CSGALNACT1: variants seen among roughly 807,000 people sequenced by gnomAD.
CSGALNACT1 encodes beta4GalNAcT-1.
A neutral mutation model predicts 51.0 loss-of-function variants in CSGALNACT1; 52 were observed. The observed-to-expected ratio is 1.02, with a 90% confidence interval of 0.82 to 1.29. The LOEUF (loss-of-function observed/expected upper bound fraction) is 1.29, where lower values mean the gene tolerates loss of function less well. Among genes scored for constraint, CSGALNACT1 ranks in the 50% most tolerant of loss-of-function variants. The probability of loss-of-function intolerance (pLI) is 0.00; values close to 1 mark genes in which losing one functional copy is unlikely to be tolerated. For synonymous variants in CSGALNACT1, 341 were observed against 254.4 expected (o/e 1.34, Z -3.24); for missense variants, 935 against 679.2 (o/e 1.38, Z -4.19).
At chr8:19,427,835 C>G (rs1041414776) in intron 6 of CSGALNACT1, among the ~76,000 whole-genome samples, 3 of 152,040 alleles carry the variant, frequency 2.0e-5, no homozygotes, top group Non-Finnish European at 2.9e-5. Context: ...TAACACCATG[C>G]CAAGCCCTCA....
At chr8:19,648,457 A>C (rs551666401) in intron 1 of CSGALNACT1, among the ~76,000 whole-genome samples, 36 of 152,332 alleles carry the variant, frequency 2.4e-4, no homozygotes, top group Non-Finnish European at 4.1e-4. Context: ...TCCTTTACAG[A>C]TACATCTCCA....
intron 1 of CSGALNACT1, among the ~76,000 whole-genome samples, chr8:19,653,649 G>A (rs778547407): frequency 2.0e-5 from 3 of 152,024 alleles, no homozygotes; most frequent in Admixed American, 6.5e-5. Context: ...AAAAAAATTT[G>A]TGGGTGTGGT....
At chr8:19,523,327 C>T (rs1018571209) in intron 3 of CSGALNACT1, among the ~76,000 whole-genome samples, 5 of 152,142 alleles carry the variant, frequency 3.3e-5, no homozygotes, top group African/African-American at 7.2e-5. Flanking sequence ...TGCAAGGGCG[C>T]GATCATGGGT....
At position 19,489,299 on chromosome 8, in the gene CSGALNACT1, C is replaced by G. The variant is rs149753093; in HGVS notation, c.634+15902G>C. ...GAATGAAATAGTCATAGGAAATCAT[C>G]ACTATCCAATGTTTATCAACCACCA... On this transcript the variant is annotated intron_variant, in intron 4 of 9. Transcript: ENST00000454498. Among the ~76,000 whole-genome samples the G allele has an allele frequency of 1.5e-4, 23 of 152,274 alleles. No individual in the cohort carries two copies. In the East Asian group the frequency reaches 4.3e-3, roughly 28 times the overall value.
chr8:19,406,182 CACCACCA>C, intron 9 of CSGALNACT1, 113 bp from the exon 9 acceptor site: 1 of 1,206,580 alleles, frequency 8.3e-7, no homozygotes, highest in Non-Finnish European at 1.2e-6. Flanking sequence ...ATGCGTGCTT[CACCACCA>C]CCCCTCCAAG....
chr8:19,476,584 T>G (rs755046270), intron 4 of CSGALNACT1, among the ~76,000 whole-genome samples: 4 of 152,054 alleles, frequency 2.6e-5, no homozygotes, highest in Non-Finnish European at 5.9e-5. Context: ...GCCCAAATTC[T>G]TTGGCAATGT....
At chr8:19,525,609 T>A (rs1217870391) in intron 3 of CSGALNACT1, among the ~76,000 whole-genome samples, 2 of 76,056 alleles carry the variant, frequency 2.6e-5, no homozygotes, top group East Asian at 7.8e-4. Flanking sequence ...AGAGGGAAAC[T>A]TGTCCCAAAA....
intron 1 of CSGALNACT1, among the ~76,000 whole-genome samples, chr8:19,689,711 T>C (rs895479593): frequency 6.6e-6 from 1 of 152,230 alleles, no homozygotes; most frequent in African/African-American, 2.4e-5. Flanking sequence ...TCACTCATGC[T>C]AAAGTTCCAC....
chr8:19,663,811 G>A (rs1343212915), intron 1 of CSGALNACT1, among the ~76,000 whole-genome samples: 1 of 152,248 alleles, frequency 6.6e-6, no homozygotes, highest in Non-Finnish European at 1.5e-5. Context: ...ATAAGAGCCA[G>A]ATAGATAATG....
chr8:19,653,086 T>G (rs1177516269), intron 1 of CSGALNACT1, among the ~76,000 whole-genome samples: 2 of 152,146 alleles, frequency 1.3e-5, no homozygotes, highest in East Asian at 3.9e-4. Context: ...CTGAACCCAC[T>G]GCCACAGTTC....
rs192869792 is a variant in CSGALNACT1 at position 19,669,595 on chromosome 8, G to C, written c.-544+12878C>G. Among the ~76,000 whole-genome samples the C allele has an allele frequency of 1.9e-3, 287 of 152,208 alleles. 1 individual carries two copies. Among genetic ancestry groups the C allele is most frequent in the Non-Finnish European group, 2.0e-3 (138 of 68,004 alleles). ...GCCTCCTGAGTAGCTGGGATTAATA[G>C]GTGCCTGCCACCATGCCTGGCCAGT... On this transcript the variant is annotated intron_variant, in intron 1 of 9. Coordinates refer to the CSGALNACT1 transcript ENST00000332246.
At chr8:19,489,437 G>A (rs936604466) in intron 4 of CSGALNACT1, among the ~76,000 whole-genome samples, 2 of 151,992 alleles carry the variant, frequency 1.3e-5, no homozygotes, top group Non-Finnish European at 2.9e-5. Flanking sequence ...CTTTCCTCTG[G>A]TCTCAAAGGA....
At chr8:19,426,331 T>C (rs2058767620) in intron 6 of CSGALNACT1, among the ~76,000 whole-genome samples, 1 of 152,174 alleles carries the variant, frequency 6.6e-6, no homozygotes, top group South Asian at 2.1e-4. Context: ...GACCAATGGA[T>C]TCTGAAGGAC....
intron 1 of CSGALNACT1, among the ~76,000 whole-genome samples, chr8:19,674,384 A>T (rs529041579): frequency 6.6e-6 from 1 of 152,294 alleles, no homozygotes; most frequent in South Asian, 2.1e-4. Context: ...ATCTCAGCAG[A>T]GATCAGAAGT....
intron 3 of CSGALNACT1, among the ~76,000 whole-genome samples, chr8:19,576,517 T>C (rs958532454): frequency 2.6e-5 from 4 of 151,540 alleles, no homozygotes; most frequent in African/African-American, 4.8e-5. Flanking sequence ...CACATGAACC[T>C]GCTGCAGTGG....
intron 1 of CSGALNACT1, among the ~76,000 whole-genome samples, chr8:19,734,388 T>C (rs1023258154): frequency 2.0e-5 from 3 of 152,186 alleles, no homozygotes; most frequent in Admixed American, 6.5e-5. Context: ...AATCAGATCA[T>C]AAGGTAAATG....
intron 1 of CSGALNACT1, among the ~76,000 whole-genome samples, chr8:19,615,959 G>A (rs970180408): frequency 1.3e-5 from 2 of 152,064 alleles, no homozygotes; most frequent in Non-Finnish European, 2.9e-5. Context: ...TTTTATCATA[G>A]ATGTTACAGC....
intron 6 of CSGALNACT1, 111 bp from the exon 6 acceptor site, chr8:19,420,629 C>T: frequency 8.8e-7 from 1 of 1,131,970 alleles, no homozygotes; most frequent in Non-Finnish European, 1.3e-6. Flanking sequence ...CTTTTGTAAC[C>T]TGAGGGCACT....
intron 5 of CSGALNACT1, among the ~76,000 whole-genome samples, chr8:19,445,629 A>G (rs2061987019): frequency 6.6e-6 from 1 of 152,218 alleles, no homozygotes; most frequent in Non-Finnish European, 1.5e-5. Context: ...GATCTTAAGA[A>G]ATGAGTAAGA....
Sources: allele counts gnomAD v4.1 joint callset (sites outside exome capture counted in the v4.1 genomes callset), GRCh38; gene constraint gnomAD v4.1.1; transcripts MANE v1.5; gene names NCBI Gene and HGNC (gene_info 2026-07-23, HGNC 2026-07-21).